Variants in CNTN5 observed in about 807,000 individuals in gnomAD.
CNTN5 encodes contactin 5, also known as contactin-5.
CNTN5 carries 77 observed loss-of-function variants against 129.1 expected under a neutral mutation model. The ratio of observed to expected loss-of-function variants is 0.60; its 90% CI spans 0.50 to 0.72. The LOEUF (loss-of-function observed/expected upper bound fraction) is 0.72, where lower values mean the gene tolerates loss of function less well. CNTN5 is among the 30% of genes least tolerant of loss of function. The probability of loss-of-function intolerance (pLI) is 0.00; values close to 1 mark genes in which losing one functional copy is unlikely to be tolerated. For missense variants in CNTN5, 1,478 were observed against 1,328.8 expected (o/e 1.11, Z -1.75); for synonymous variants, 509 against 465.6 (o/e 1.09, Z -1.20).
intron 8 of CNTN5, among the ~76,000 whole-genome samples, chr11:99,988,164 C>T (rs545868723): frequency 7.2e-5 from 11 of 152,334 alleles, no homozygotes; most frequent in African/African-American, 1.4e-4. Flanking sequence ...AAATCAGGAG[C>T]TGCCACATCT....
At chr11:99,854,624 C>G (rs1469427755) in intron 6 of CNTN5, among the ~76,000 whole-genome samples, 2 of 152,050 alleles carry the variant, frequency 1.3e-5, no homozygotes, top group Non-Finnish European at 2.9e-5. Context: ...AGTACATAAT[C>G]AAGTCACACA....
chr11:99,501,981 G>T (rs895950599), intron 2 of CNTN5, among the ~76,000 whole-genome samples: 1 of 152,156 alleles, frequency 6.6e-6, no homozygotes, highest in African/African-American at 2.4e-5. Context: ...TTCTGGCTTA[G>T]AATTATTCAT....
intron 2 of CNTN5, among the ~76,000 whole-genome samples, chr11:99,439,850 G>A (rs190999716): frequency 7.9e-5 from 12 of 152,024 alleles, no homozygotes; most frequent in Middle Eastern, 6.8e-3. Context: ...ATCAATTTAT[G>A]CAATGAAATA....
Position 99,471,667 on chromosome 11 carries a change from A to G in CNTN5, c.-70-84478A>G, listed in dbSNP as rs11220078. Among the ~76,000 whole-genome samples the G allele has an allele frequency of 3.5e-3, 525 of 152,166 alleles. 4 individuals are homozygous for G. The highest frequency in any genetic ancestry group is 5.5e-3 in the Non-Finnish European group (372 of 67,996). ...TTTTTCCTGAGGATTATACTATTTA[A>G]GTCATGAAAAGCATGTGGAAACAGT... On this transcript the variant is annotated intron_variant, in intron 2 of 24. Transcript: ENST00000524871.
intron 15 of CNTN5, among the ~76,000 whole-genome samples, chr11:100,213,366 C>T (rs529163919): frequency 6.6e-6 from 1 of 152,240 alleles, no homozygotes; most frequent in East Asian, 1.9e-4. Flanking sequence ...AGCTTGAAGA[C>T]AATAATCTAC....
chr11:100,146,831 T>C (rs1213735991), intron 13 of CNTN5, among the ~76,000 whole-genome samples: 3 of 152,170 alleles, frequency 2.0e-5, no homozygotes, highest in Non-Finnish European at 2.9e-5. Flanking sequence ...ATGAACATCT[T>C]TAAGTATACA....
intron 7 of CNTN5, among the ~76,000 whole-genome samples, chr11:99,940,964 A>G (rs1950421764): frequency 6.6e-6 from 1 of 152,264 alleles, no homozygotes. Context: ...TTTTGTATTA[A>G]GAAATATTCA....
intron 1 of CNTN5, among the ~76,000 whole-genome samples, chr11:99,111,721 T>C (rs891477024): frequency 6.6e-6 from 1 of 152,008 alleles, no homozygotes; most frequent in Non-Finnish European, 1.5e-5. Context: ...ATAAAATTTA[T>C]ACAGTTTGGG....
intron 13 of CNTN5, among the ~76,000 whole-genome samples, chr11:100,098,951 C>T (rs1054554622): frequency 1.3e-5 from 2 of 151,996 alleles, no homozygotes; most frequent in East Asian, 1.9e-4. Context: ...CTAGGGTCAG[C>T]ATCATTTCTG....
intron 16 of CNTN5, among the ~76,000 whole-genome samples, chr11:100,251,599 A>C (rs613824): frequency 6.6e-6 from 1 of 151,924 alleles, no homozygotes; most frequent in Non-Finnish European, 1.5e-5. Context: ...CCAGCTTCTA[A>C]TGTCCTCTGT....
At chr11:100,030,989 T>C (rs1034527070) in intron 9 of CNTN5, among the ~76,000 whole-genome samples, 4 of 152,326 alleles carry the variant, frequency 2.6e-5, no homozygotes, top group South Asian at 2.1e-4. Flanking sequence ...CATAATGTCA[T>C]AGGGCTGGGT....
chr11:99,538,798 G>C (rs972397435), intron 2 of CNTN5, among the ~76,000 whole-genome samples: 6 of 151,908 alleles, frequency 3.9e-5, no homozygotes, highest in Admixed American at 2.6e-4. Flanking sequence ...TTGTTTCTAA[G>C]AACAATTAAT....
chr11:99,058,856 C>T (rs1425676923), intron 1 of CNTN5, among the ~76,000 whole-genome samples: 1 of 151,374 alleles, frequency 6.6e-6, no homozygotes, highest in Non-Finnish European at 1.5e-5. Flanking sequence ...CTGTAGACAG[C>T]ACTAAATGAT....
chr11:99,805,300 T>C (rs1565552027), intron 3 of CNTN5, among the ~76,000 whole-genome samples: 4 of 152,092 alleles, frequency 2.6e-5, no homozygotes, highest in African/African-American at 9.7e-5. Context: ...TTGGGTTAAA[T>C]TTACCAATGT....
At chr11:99,076,171 T>C (rs530281252) in intron 1 of CNTN5, among the ~76,000 whole-genome samples, 1 of 151,780 alleles carries the variant, frequency 6.6e-6, no homozygotes, top group African/African-American at 2.4e-5. Context: ...CTGTCTCCAC[T>C]GAAAAAAAAG....
intron 6 of CNTN5, among the ~76,000 whole-genome samples, chr11:99,858,799 G>A (rs7943425): frequency 1 from 151,877 of 151,878 alleles, 75,938 homozygotes; most frequent in Middle Eastern, 1. Flanking sequence ...CAACTTGCAC[G>A]ATTTTTAAAA....
intron 7 of CNTN5, among the ~76,000 whole-genome samples, chr11:99,955,844 G>T (rs1019975722): frequency 6.6e-6 from 1 of 152,108 alleles, no homozygotes; most frequent in Non-Finnish European, 1.5e-5. Context: ...GAGTACGGGC[G>T]TTAGCCCCCG....
chr11:99,800,919 T>C (rs138999186), intron 3 of CNTN5, among the ~76,000 whole-genome samples: 1 of 152,244 alleles, frequency 6.6e-6, no homozygotes, highest in Non-Finnish European at 1.5e-5. Context: ...TTAGACCTTC[T>C]GTCTTCAAGA....
At chr11:99,633,356 A>C (rs1951434327) in intron 3 of CNTN5, among the ~76,000 whole-genome samples, 1 of 152,206 alleles carries the variant, frequency 6.6e-6, no homozygotes, top group Non-Finnish European at 1.5e-5. Context: ...TACAATAGAA[A>C]TATTTCTGCT....
Sources: allele counts gnomAD v4.1 joint callset (sites outside exome capture counted in the v4.1 genomes callset), GRCh38; gene constraint gnomAD v4.1.1; transcripts MANE v1.5; gene names NCBI Gene and HGNC (gene_info 2026-07-23, HGNC 2026-07-21).